The following DLG2 variants were observed in gnomAD, a reference collection of about 807,000 sequenced individuals.
DLG2 encodes disks large homolog 2.
A neutral mutation model predicts 132.5 loss-of-function variants in DLG2; 45 were observed. That is an observed-to-expected ratio of 0.34 (90% CI 0.27 to 0.44). The LOEUF (loss-of-function observed/expected upper bound fraction) is 0.44. DLG2 is among the 20% of genes least tolerant of loss of function. DLG2 has a pLI of 1.00. For missense variants in DLG2, 1,045 were observed against 1,196.9 expected, an observed-to-expected ratio of 0.87 and a Z score of 1.87; for synonymous variants, 424 against 419.6, an observed-to-expected ratio of 1.01 and a Z score of -0.13.
At chr11:84,212,621 T>G (rs2096770774) in intron 8 of DLG2, among the ~76,000 whole-genome samples, 1 of 152,230 alleles carries the variant, frequency 6.6e-6, no homozygotes, top group Admixed American at 6.5e-5. Flanking sequence ...CTAATGATGC[T>G]TTTCTAAGGG....
intron 3 of DLG2, among the ~76,000 whole-genome samples, chr11:85,467,106 CTGTT>C (rs2092816978): frequency 6.6e-6 from 1 of 152,130 alleles, no homozygotes; most frequent in Admixed American, 6.6e-5. Context: ...ATTTGGCTCT[CTGTT>C]TGTCTGTTAT....
intron 3 of DLG2, among the ~76,000 whole-genome samples, chr11:85,473,061 C>T (rs1286922430): frequency 3.3e-5 from 5 of 152,204 alleles, no homozygotes; most frequent in Non-Finnish European, 1.5e-5. Context: ...TAGACACGGG[C>T]GTCTAAGATG....
At chr11:84,415,507 G>A (rs1160400813) in intron 7 of DLG2, among the ~76,000 whole-genome samples, 1 of 152,056 alleles carries the variant, frequency 6.6e-6, no homozygotes, top group Admixed American at 6.6e-5. Flanking sequence ...GCATTTTTCT[G>A]AAGATTATGC....
intron 26 of DLG2, among the ~76,000 whole-genome samples, chr11:83,462,642 G>A (rs889133319): frequency 6.6e-6 from 1 of 152,092 alleles, no homozygotes; most frequent in South Asian, 2.1e-4. Context: ...TGGTTAAGGG[G>A]TATAAAATGC....
intron 18 of DLG2, among the ~76,000 whole-genome samples, chr11:83,748,021 A>G (rs1593555168): frequency 6.6e-6 from 1 of 151,400 alleles, no homozygotes; most frequent in East Asian, 1.9e-4. Flanking sequence ...TGATCACACA[A>G]CAAGTAAGTG....
intron 6 of DLG2, among the ~76,000 whole-genome samples, chr11:84,609,538 C>A (rs1473790988): frequency 6.6e-6 from 1 of 152,052 alleles, no homozygotes; most frequent in Non-Finnish European, 1.5e-5. Flanking sequence ...CCAATGGAAA[C>A]CTTGGGAAAG....
intron 7 of DLG2, among the ~76,000 whole-genome samples, chr11:84,325,969 T>G (rs1217714240): frequency 6.6e-6 from 1 of 152,112 alleles, no homozygotes; most frequent in East Asian, 1.9e-4. Flanking sequence ...GATTCAGTTT[T>G]GGAAGGTTAT....
chr11:84,816,812 A>C (rs995097891), intron 6 of DLG2, among the ~76,000 whole-genome samples: 23 of 152,000 alleles, frequency 1.5e-4, no homozygotes, highest in Non-Finnish European at 3.2e-4. Context: ...TCTCTGTGTA[A>C]ACTGTAAACC....
At chr11:84,266,508 TGGG>T (rs2097638010) in intron 7 of DLG2, among the ~76,000 whole-genome samples, 2 of 152,136 alleles carry the variant, frequency 1.3e-5, no homozygotes, top group Admixed American at 1.3e-4. Flanking sequence ...GACTAAAAAT[TGGG>T]GTATTACTAA....
At chr11:85,182,553 CAT>C (rs2079786883) in intron 4 of DLG2, among the ~76,000 whole-genome samples, 1 of 151,538 alleles carries the variant, frequency 6.6e-6, no homozygotes, top group South Asian at 2.1e-4. Flanking sequence ...AGTTTTCTAA[CAT>C]AATTATTTGT....
At chr11:84,810,339 T>A (rs772046984) in intron 6 of DLG2, among the ~76,000 whole-genome samples, 5 of 152,086 alleles carry the variant, frequency 3.3e-5, no homozygotes, top group Admixed American at 2.0e-4. Context: ...GATTGCAACA[T>A]AAGCATGTGA....
At chr11:83,746,213 C>A (rs1269205946) in intron 18 of DLG2, among the ~76,000 whole-genome samples, 1 of 152,168 alleles carries the variant, frequency 6.6e-6, no homozygotes, top group East Asian at 1.9e-4. Context: ...TTGACCCAGC[C>A]ATCCCATTAC....
chr11:84,387,041 C>A (rs1244560908), intron 7 of DLG2, among the ~76,000 whole-genome samples: 2 of 152,026 alleles, frequency 1.3e-5, no homozygotes, highest in African/African-American at 4.8e-5. Context: ...ACTCTCCAGG[C>A]CATTTGTACT....
chr11:84,859,228 C>T (rs2083221011), intron 6 of DLG2, among the ~76,000 whole-genome samples: 1 of 149,828 alleles, frequency 6.7e-6, no homozygotes, highest in Non-Finnish European at 1.5e-5. Context: ...GAAATACAAA[C>T]CAATAGGAGG....
At chr11:83,819,580 A>G (rs1193339554) in intron 17 of DLG2, among the ~76,000 whole-genome samples, 1 of 151,990 alleles carries the variant, frequency 6.6e-6, no homozygotes, top group African/African-American at 2.4e-5. Context: ...TAGAATAATA[A>G]AAGTACATGA....
At chr11:84,087,588 A>G (rs944854631) in intron 10 of DLG2, among the ~76,000 whole-genome samples, 1 of 152,170 alleles carries the variant, frequency 6.6e-6, no homozygotes, top group East Asian at 1.9e-4. Context: ...TAATTCAGTT[A>G]AGGATCTTGA....
intron 5 of DLG2, among the ~76,000 whole-genome samples, chr11:85,121,531 T>C (rs2074313740): frequency 6.6e-6 from 1 of 152,046 alleles, no homozygotes; most frequent in East Asian, 1.9e-4. Flanking sequence ...TTAGTTTTTG[T>C]TTAATAAAAA....
chr11:85,253,611 C>G (rs973697855), intron 4 of DLG2, among the ~76,000 whole-genome samples: 2 of 152,148 alleles, frequency 1.3e-5, no homozygotes, highest in Non-Finnish European at 2.9e-5. Context: ...TTACAGTACT[C>G]TTTTAGCTCT....
intron 7 of DLG2, among the ~76,000 whole-genome samples, chr11:84,336,649 T>C (rs375150380): frequency 5.1e-4 from 77 of 152,236 alleles, no homozygotes; most frequent in African/African-American, 1.8e-3. Context: ...TCATCTCTAG[T>C]ACTAAGCCAC....
Sources: gnomAD v4.1 joint callset for allele counts (sites outside exome capture counted in the v4.1 genomes callset) on GRCh38, gnomAD v4.1.1 for gene constraint, MANE v1.5 for transcripts, NCBI Gene and HGNC (gene_info 2026-07-23, HGNC 2026-07-21) for gene names.